TRHDE: variants seen among roughly 807,000 people sequenced by gnomAD.
TRHDE encodes thyrotropin-releasing hormone-degrading ectoenzyme.
A neutral mutation model predicts 125.7 loss-of-function variants in TRHDE; 72 were observed. The ratio of observed to expected loss-of-function variants is 0.57; its 90% CI spans 0.47 to 0.70. The LOEUF is 0.70. Among genes scored for constraint, TRHDE ranks in the 30% least tolerant of loss-of-function variants. The pLI, the probability that TRHDE is intolerant of heterozygous loss-of-function variation, is 0.00. For synonymous variants in TRHDE, 509 were observed against 509.1 expected (o/e 1.00, Z 0.00); for missense variants, 1,110 against 1,327.1 (o/e 0.84, Z 2.54).
upstream of TRHDE, among the ~76,000 whole-genome samples, chr12:72,267,746 A>T (rs1879100383): frequency 6.6e-6 from 1 of 152,102 alleles, no homozygotes; most frequent in Non-Finnish European, 1.5e-5. Context: ...GATATAATCA[A>T]ATTTAGATGT....
At chr12:72,341,959 C>A (rs1414149642) in intron 2 of TRHDE, among the ~76,000 whole-genome samples, 2 of 151,830 alleles carry the variant, frequency 1.3e-5, no homozygotes, top group African/African-American at 4.8e-5. Flanking sequence ...AAATGACAAG[C>A]CACAAAACAG....
upstream of TRHDE, among the ~76,000 whole-genome samples, chr12:72,268,623 A>G (rs568569350): frequency 1.3e-5 from 2 of 152,096 alleles, no homozygotes; most frequent in Non-Finnish European, 2.9e-5. Context: ...GTACCCGAGG[A>G]CACCTAACTA....
At chr12:72,230,426 T>C (rs1878224958) in intron 2 of TRHDE, among the ~76,000 whole-genome samples, 1 of 152,176 alleles carries the variant, frequency 6.6e-6, no homozygotes, top group African/African-American at 2.4e-5. Flanking sequence ...AATCTGTGTT[T>C]TGCAAAACAT....
In TRHDE at chr12:72,621,728, T is replaced by C. The variant is rs149693751; in HGVS notation, c.2652T>C (p.Asp884=). ...CHQQASTLIS[D]WISSNRNRIP... The stretch of plus-strand genomic sequence containing the variant: ...AACAGGCATCAACACTTATTTCAGA[T>C]TGGATTTCCAGCAACAGGAACAGGT... The change falls in exon 15 of 19, where the codon GAT becomes GAC. Residue 884 remains aspartate, a synonymous_variant. Coordinates refer to ENST00000261180, the MANE Select transcript of TRHDE (RefSeq NM_013381.3). The C allele has an allele frequency of 3.5e-5, 56 of 1,604,122 alleles. No homozygotes were observed. The African/African-American group carries it at 6.8e-4, about 19-fold the overall frequency.
chr12:72,650,804 T>C (rs1874476342), intron 15 of TRHDE, among the ~76,000 whole-genome samples: 1 of 152,126 alleles, frequency 6.6e-6, no homozygotes, highest in South Asian at 2.1e-4. Flanking sequence ...CTCTGTTTTA[T>C]AGCTGTTGAT....
At position 72,583,923 on chromosome 12, in the gene TRHDE, C is replaced by CTTTTTTTTTTTTTTT. The variant is rs1190363456; in HGVS notation, c.2321+8394_2321+8408dup. 3.3e-5 allele frequency among the ~76,000 whole-genome samples: 2 copies of CTTTTTTTTTTTTTTT among 60,462 alleles called. 1 individual carries two copies. Among genetic ancestry groups the CTTTTTTTTTTTTTTT allele is most frequent in the African/African-American group, 2.5e-4 (2 of 7,974 alleles). 39.7% of individuals were successfully genotyped at this position (60,462 alleles called of 152,430 possible). On this transcript the variant is annotated intron_variant, in intron 12 of 18. Coordinates refer to ENST00000261180, the MANE Select transcript of TRHDE (RefSeq NM_013381.3). ...GCTTGTGGCTCTAAAGGATGACAAACTTTTTTTTTTTTTTTTTTTTTTTTT... is the reference window on the plus strand; with the variant it reads ...GCTTGTGGCTCTAAAGGATGACAAACTTTTTTTTTTTTTTTTTTTTTTTTTTTTTTTTTTTTTTTT...
intron 2 of TRHDE, among the ~76,000 whole-genome samples, chr12:72,110,290 A>T (rs1875286887): frequency 6.6e-6 from 1 of 152,104 alleles, no homozygotes; most frequent in Non-Finnish European, 1.5e-5. Context: ...AGAGTGCTTT[A>T]TCCTGTGGGC....
chr12:72,338,818 A>G (rs918506703), intron 2 of TRHDE, among the ~76,000 whole-genome samples: 1 of 152,194 alleles, frequency 6.6e-6, no homozygotes, highest in African/African-American at 2.4e-5. Context: ...GTACTAACAA[A>G]AGGAGACTCT....
chr12:72,154,367 A>T (rs150122668), intron 2 of TRHDE, among the ~76,000 whole-genome samples: 1,611 of 152,286 alleles, frequency 0.011, 26 homozygotes, highest in African/African-American at 0.036. Flanking sequence ...GTCTGTGTCT[A>T]TTAATTGGAG....
At chr12:72,291,439 A>G (rs1003774340) in intron 2 of TRHDE, among the ~76,000 whole-genome samples, 18 of 152,256 alleles carry the variant, frequency 1.2e-4, no homozygotes, top group African/African-American at 4.3e-4. Flanking sequence ...ATTTGGCCCC[A>G]CCCTTTGGGC....
intron 3 of TRHDE, among the ~76,000 whole-genome samples, chr12:72,436,310 T>C (rs1226378498): frequency 6.6e-6 from 1 of 151,996 alleles, no homozygotes; most frequent in Non-Finnish European, 1.5e-5. Flanking sequence ...ATTAATAAAA[T>C]ATAGAGTATG....
intron 2 of TRHDE, among the ~76,000 whole-genome samples, chr12:72,320,821 G>T (rs11179152): frequency 0.15 from 22,607 of 152,030 alleles, 2,010 homozygotes; most frequent in East Asian, 0.47. Flanking sequence ...TAGCTGTGTG[G>T]CCTCAGGCAA....
At chr12:72,290,575 T>C (rs773577646) in intron 2 of TRHDE, among the ~76,000 whole-genome samples, 53 of 152,230 alleles carry the variant, frequency 3.5e-4, no homozygotes, top group Non-Finnish European at 5.9e-4. Context: ...CTGTGTTCAA[T>C]AATGTCTGGG....
intron 2 of TRHDE, among the ~76,000 whole-genome samples, chr12:72,318,159 G>A (rs1014066555): frequency 6.6e-6 from 1 of 152,164 alleles, no homozygotes; most frequent in South Asian, 2.1e-4. Context: ...AAAGGTATGA[G>A]CAATGGGGGT....
chr12:72,422,816 G>A (rs956257450), intron 3 of TRHDE, among the ~76,000 whole-genome samples: 3 of 152,110 alleles, frequency 2.0e-5, no homozygotes, highest in African/African-American at 4.8e-5. Context: ...AAGGTGTTTA[G>A]GTCATGAGGG....
intron 2 of TRHDE, among the ~76,000 whole-genome samples, chr12:72,172,590 G>C (rs1377950383): frequency 6.6e-6 from 1 of 152,160 alleles, no homozygotes; most frequent in African/African-American, 2.4e-5. Flanking sequence ...GTAGTCATTA[G>C]GGATGGGCAC....
intron 2 of TRHDE, among the ~76,000 whole-genome samples, chr12:72,142,074 G>GAAGA (rs370395231): frequency 1.6e-4 from 20 of 122,558 alleles, no homozygotes; most frequent in African/African-American, 5.8e-4. Flanking sequence ...TGCTCCACCA[G>GAAGA]AAAAAAAAAA....
intron 3 of TRHDE, among the ~76,000 whole-genome samples, chr12:72,402,987 C>T (rs938637762): frequency 1.3e-5 from 2 of 152,174 alleles, no homozygotes; most frequent in Non-Finnish European, 1.5e-5. Context: ...TTGGTACCTT[C>T]TCATTTGGTG....
At chr12:72,601,876 AT>A (rs1338261260) in intron 12 of TRHDE, among the ~76,000 whole-genome samples, 38 of 152,156 alleles carry the variant, frequency 2.5e-4, no homozygotes, top group Admixed American at 2.5e-3. Context: ...TTTCTTTCTT[AT>A]AATACTTGCT....
Sources: gnomAD v4.1 joint callset for allele counts (sites outside exome capture counted in the v4.1 genomes callset) on GRCh38, gnomAD v4.1.1 for gene constraint, MANE v1.5 for transcripts, NCBI Gene and HGNC (gene_info 2026-07-23, HGNC 2026-07-21) for gene names.